Variants in CHD3 observed in about 807,000 individuals in gnomAD.
CHD3 encodes chromodomain helicase DNA binding protein 3, also known as ATP-dependent chromatin remodeler CHD3.
CHD3 carries 52 observed loss-of-function variants against 248.9 expected under a neutral mutation model. The ratio of observed to expected loss-of-function variants is 0.21; its 90% confidence interval spans 0.17 to 0.26. The LOEUF is 0.26. Among genes scored for constraint, CHD3 ranks in the 10% least tolerant of loss-of-function variants. The probability of loss-of-function intolerance (pLI) is 1.00; values close to 1 mark genes in which losing one functional copy is unlikely to be tolerated. For missense variants in CHD3, 1,482 were observed against 2,605.8 expected (o/e 0.57, Z 9.39); for synonymous variants, 985 against 985.2 (o/e 1.00, Z 0.00).
Position 7,907,306 on chromosome 17 carries a change from T to A in CHD3, c.4789-47T>A, listed in dbSNP as rs1157917888. The stretch of plus-strand genomic sequence containing the variant: ...GAGGGGAGGGGGCTTGGAGGCCAGG[T>A]ACCTGGGAGCCCTCTGGCTCATCCT... On this transcript the variant is annotated intron_variant, in intron 31 of 39. Transcript: ENST00000330494. This position sits in a 1 kb window ranked among gnomAD's most constrained non-coding sequence, Gnocchi z 4.3. 6.2e-7 allele frequency: 1 copy of A among 1,612,546 alleles called. No individual in the cohort carries two copies. The highest frequency in any genetic ancestry group is 1.7e-5 in the Admixed American group (1 of 59,944).
Position 7,901,270 on chromosome 17 carries a change from T to A in CHD3, c.3147T>A (p.Ala1049=). 2.5e-6 allele frequency: 4 copies of A among 1,612,394 alleles called. No individual in the cohort carries two copies. The South Asian group carries it at 4.4e-5, about 18-fold the overall frequency. The change falls in exon 20 of 40, where the codon GCT becomes GCA. Residue 1049 remains alanine, a synonymous_variant. Coordinates refer to ENST00000330494, the MANE Select transcript of CHD3 (RefSeq NM_001005273.3). ...AGTCCCCCAAACTCCCCAGTGGGGCTTATGAGGGTGGGGCACTTATTAAGT... is the reference window on the plus strand; with the variant it reads ...AGTCCCCCAAACTCCCCAGTGGGGCATATGAGGGTGGGGCACTTATTAAGT... ...AMESPKLPSG[A]YEGGALIKSS...
chr17:7,884,859 C>T, upstream of CHD3: 5 of 1,155,262 alleles, frequency 4.3e-6, no homozygotes, highest in Non-Finnish European at 4.7e-6. Flanking sequence ...ATGGTGGTGT[C>T]GGAGGAGGAA....
intron 12 of CHD3, 102 bp downstream of exon 12, chr17:7,898,204 G>C: frequency 1.4e-6 from 2 of 1,409,258 alleles, no homozygotes; most frequent in South Asian, 2.7e-5. Flanking sequence ...GATTCAACCT[G>C]GAGTTCAGGG....
rs1410239914 is a variant in CHD3 at position 7,900,982 on chromosome 17, G to T, written c.3109G>T (p.Val1037Leu). 9.9e-6 allele frequency: 16 copies of T among 1,613,724 alleles called. No individual in the cohort carries two copies. Among genetic ancestry groups the T allele is most frequent in the Non-Finnish European group, 1.4e-5 (16 of 1,179,940 alleles). ...CTGCAACCATCCATACCTTTTTCCC[G>T]TGGCTGCTATGGTAGATACACAGAG... is the stretch of plus-strand genomic sequence containing the variant. ...KCCNHPYLFP[V>L]AAMESPKLPS... The change falls in exon 19 of 40, where the codon GTG becomes TTG. Residue 1037 changes from valine (V) to leucine (L), a missense_variant. Around this residue, in one of 20 missense-constraint regions of CHD3, gnomAD observed 31 missense variants for 53.9 expected, o/e 0.58. Transcript: ENST00000330494. This position sits in a 1 kb window ranked among gnomAD's most constrained non-coding sequence, Gnocchi z 6.5.
In CHD3 at chr17:7,910,293, CT is replaced by C; in HGVS notation, c.5591-132del. 9.3e-7 allele frequency: 1 copy of C among 1,073,810 alleles called. No homozygotes were observed. 66.5% of individuals were successfully genotyped at this position (1,073,810 alleles called of 1,614,324 possible). ...TCTTTTACTTTCTTGATCTCTGGTT[CT>C]TTGACATCTGTGTTCTCCTCTCTCG... On this transcript the variant is annotated intron_variant, in intron 37 of 39. Transcript: ENST00000330494. The surrounding 1 kb of genome is among the most constrained non-coding windows in gnomAD (Gnocchi z 4.7).
In CHD3 at chr17:7,890,727, G is replaced by A; in HGVS notation, c.370G>A (p.Asp124Asn). 4.6e-6 allele frequency: 7 copies of A among 1,536,970 alleles called. No individual in the cohort carries two copies. The highest frequency in any genetic ancestry group is 5.3e-6 in the Non-Finnish European group (6 of 1,136,188). The part of the protein sequence containing the change: ...KTKRRKKGEG[D>N]GGQKQVEQKS... The stretch of plus-strand genomic sequence containing the variant: ...AAAGCGGCGGAAAAAGGGGGAGGGA[G>A]ATGGGGGGCAAAAGGTGAGTAGAAT... The change falls in exon 3 of 40, where the codon GAT becomes AAT. Residue 124 changes from aspartate to asparagine, a missense_variant. Asp to Asn is a conservative substitution (Grantham distance 23). Coordinates refer to ENST00000330494, the MANE Select transcript of CHD3 (RefSeq NM_001005273.3).
Position 7,905,535 on chromosome 17 carries a change from T to C in CHD3, c.4139-86T>C. On this transcript the variant is annotated intron_variant, in intron 26 of 39. Transcript: ENST00000330494. This position sits in a 1 kb window ranked among gnomAD's most constrained non-coding sequence, Gnocchi z 5.8. ...ACGTGACAGGAATGTTCCTGTGTTG[T>C]GTATCTTGTGGGAATGGGGTGCTAA... is the stretch of plus-strand genomic sequence containing the variant. The C allele has an allele frequency of 4.0e-6, 4 of 992,884 alleles. No homozygotes were observed. Among genetic ancestry groups the C allele is most frequent in the Non-Finnish European group, 5.9e-6 (4 of 674,992 alleles). The allele number at this position is 992,884 out of a possible 1,614,324, so 61.5% of individuals were successfully genotyped here. A position where few individuals can be genotyped will look rare whatever the true frequency, so the allele number is the denominator to read the frequency against.
At chr17:7,892,162 C>T (rs892393827) in intron 4 of CHD3, among the ~76,000 whole-genome samples, 5 of 152,180 alleles carry the variant, frequency 3.3e-5, no homozygotes, top group Admixed American at 1.3e-4. Context: ...CGTTGTCTCA[C>T]CTACCTTACT....
At position 7,907,974 on chromosome 17, in the gene CHD3, G is replaced by A. The variant is rs756228318; in HGVS notation, c.5107G>A (p.Glu1703Lys). 5 of 1,611,984 alleles carry A rather than the reference G, an allele frequency of 3.1e-6. No individual in the cohort carries two copies. Among genetic ancestry groups the A allele is most frequent in the African/African-American group, 2.7e-5 (2 of 74,844 alleles). Residue 1703 changes from glutamate to lysine, a missense_variant, in exon 34 of 40, where the codon GAG becomes AAG. Glu to Lys is a moderately conservative substitution (Grantham distance 56, BLOSUM62 1). Around this residue, in one of 20 missense-constraint regions of CHD3, gnomAD observed 254 missense variants for 266.7 expected, o/e 0.95. Transcript: ENST00000330494. The surrounding 1 kb of genome is among the most constrained non-coding windows in gnomAD (Gnocchi z 4.3). ...RSNGRREEKT[E>K]KPRFMFNIAD... ...CAATGGGCGACGAGAGGAAAAGACAGAGAAGCCCCGGTTCATGTTCAATAT... is the reference window on the plus strand; with the variant it reads ...CAATGGGCGACGAGAGGAAAAGACAAAGAAGCCCCGGTTCATGTTCAATAT...
upstream of CHD3, chr17:7,885,046 G>GCCA (rs752425204): frequency 0.042 from 44,113 of 1,048,852 alleles, 843 homozygotes; most frequent in Non-Finnish European, 0.047. Context: ...CGCCGCCGCC[G>GCCA]CCACCGCTGC....
Position 7,902,908 on chromosome 17 carries a change from A to G in CHD3, c.3371-29A>G, listed in dbSNP as rs757119137. ...GGTGGACAGAACTACCGGGTACAAGAAAAACCTGATCCAACTCTCACCTCC... is the reference window on the plus strand; with the variant it reads ...GGTGGACAGAACTACCGGGTACAAGGAAAACCTGATCCAACTCTCACCTCC... On this transcript the variant is annotated intron_variant, in intron 21 of 39. Transcript: ENST00000330494. The G allele has an allele frequency of 1.6e-5, 26 of 1,613,000 alleles. No individual in the cohort carries two copies. In the South Asian group the frequency reaches 2.7e-4, roughly 17 times the overall value.
Position 7,905,280 on chromosome 17 carries a change from C to A in CHD3, c.4138+115C>A. 1.1e-6 allele frequency: 1 copy of A among 936,848 alleles called. No individual in the cohort carries two copies. Among genetic ancestry groups the A allele is most frequent in the Non-Finnish European group, 1.7e-6 (1 of 581,488 alleles). 58.0% of individuals were successfully genotyped at this position (936,848 alleles called of 1,614,324 possible). ...GTCTTCGTGTGTGTGTGGAAAAACT[C>A]GATTGCAGATGAGCAGAAAGGAAGA... On this transcript the variant is annotated intron_variant, in intron 26 of 39. Coordinates refer to ENST00000330494, the MANE Select transcript of CHD3 (RefSeq NM_001005273.3). This position sits in a 1 kb window ranked among gnomAD's most constrained non-coding sequence, Gnocchi z 5.8.
At chr17:7,901,612 G>C (rs1458314043) in intron 20 of CHD3, among the ~76,000 whole-genome samples, 1 of 149,274 alleles carries the variant, frequency 6.7e-6, no homozygotes, top group East Asian at 2.0e-4. Context: ...CTGGGTTCAA[G>C]TGATTCTCCT....
chr17:7,903,400 T>G lies in CHD3; in HGVS notation c.3624T>G (p.Val1208=). The change falls in exon 23 of 40, where the codon GTT becomes GTG. Residue 1208 remains valine (V), a synonymous_variant. Transcript: ENST00000330494. This position sits in a 1 kb window ranked among gnomAD's most constrained non-coding sequence, Gnocchi z 6.8. Reference sequence around the variant, plus strand: ...GAAAGATGATGCTGACACACCTGGTTGTGCGGCCTGGGCTGGGCTCCAAGG... The same window carrying G: ...GAAAGATGATGCTGACACACCTGGTGGTGCGGCCTGGGCTGGGCTCCAAGG... ...AKRKMMLTHL[V]VRPGLGSKAG... is the part of the protein sequence containing the mutation. The G allele has an allele frequency of 6.2e-7, 1 of 1,614,178 alleles. No homozygotes were observed. The highest frequency in any genetic ancestry group is 8.5e-7 in the Non-Finnish European group (1 of 1,180,022).
At position 7,906,456 on chromosome 17, in the gene CHD3, G is replaced by A. The variant is rs547199678; in HGVS notation, c.4359-97G>A. ...GAGCCCTGGAGCACCTGGGGATTTGGGGGTTTGGGGGTCCTCAGTCATCCT... is the reference window on the plus strand; with the variant it reads ...GAGCCCTGGAGCACCTGGGGATTTGAGGGTTTGGGGGTCCTCAGTCATCCT... On this transcript the variant is annotated intron_variant, in intron 28 of 39. Transcript: ENST00000330494. The surrounding 1 kb of genome is among the most constrained non-coding windows in gnomAD (Gnocchi z 5.0). 3 of 1,325,614 alleles carry A rather than the reference G, an allele frequency of 2.3e-6. No homozygotes were observed. The South Asian group carries it at 3.8e-5, about 17-fold the overall frequency. 82.1% of individuals were successfully genotyped at this position (1,325,614 alleles called of 1,614,324 possible).
Position 7,905,542 on chromosome 17 carries a change from T to G in CHD3, c.4139-79T>G. Reference sequence around the variant, plus strand: ...AGGAATGTTCCTGTGTTGTGTATCTTGTGGGAATGGGGTGCTAAGGAGGAC... The same window carrying G: ...AGGAATGTTCCTGTGTTGTGTATCTGGTGGGAATGGGGTGCTAAGGAGGAC... On this transcript the variant is annotated intron_variant, in intron 26 of 39. Transcript: ENST00000330494. The surrounding 1 kb of genome is among the most constrained non-coding windows in gnomAD (Gnocchi z 5.8). 9.4e-7 allele frequency: 1 copy of G among 1,063,504 alleles called. No homozygotes were observed. Among genetic ancestry groups the G allele is most frequent in the Non-Finnish European group, 1.4e-6 (1 of 737,650 alleles). The allele number at this position is 1,063,504 out of a possible 1,614,324, so 65.9% of individuals were successfully genotyped here.
Position 7,908,490 on chromosome 17 carries a change from G to A in CHD3, c.5241G>A (p.Trp1747Ter). The change falls in exon 35 of 40, where the codon TGG (tryptophan) becomes TGA (stop). Residue 1747 changes from tryptophan (W) to a stop codon, truncating the protein, a stop_gained. Transcript: ENST00000330494. LOFTEE classifies it high-confidence loss of function. This position sits in a 1 kb window ranked among gnomAD's most constrained non-coding sequence, Gnocchi z 5.8. ...NEIWHRRHDY[W>*]LLAGIVLHGY... is the part of the protein sequence containing the mutation. Reference sequence around the variant, plus strand: ...TCTGGCACAGAAGACATGACTATTGGCTTCTGGCTGGGATTGTCCTGTATC... The same window carrying A: ...TCTGGCACAGAAGACATGACTATTGACTTCTGGCTGGGATTGTCCTGTATC... 6.2e-7 allele frequency: 1 copy of A among 1,613,702 alleles called. No individual in the cohort carries two copies. Among genetic ancestry groups the A allele is most frequent in the Non-Finnish European group, 8.5e-7 (1 of 1,179,706 alleles).
chr17:7,884,827 CGAGGAGGAG>C (rs781353736), upstream of CHD3: 6 of 803,844 alleles, frequency 7.5e-6, no homozygotes, highest in African/African-American at 6.9e-5. Context: ...CTCTGAGGGA[CGAGGAGGAG>C]GAGGAGGAGG....
chr17:7,898,454 C>T lies in CHD3; in HGVS notation c.2052-42C>T, dbSNP rs1969942138. 3 of 1,429,400 alleles carry T rather than the reference C, an allele frequency of 2.1e-6. No homozygotes were observed. In the South Asian group the frequency reaches 3.5e-5, roughly 17 times the overall value. 88.5% of individuals were successfully genotyped at this position (1,429,400 alleles called of 1,614,324 possible). A position where few individuals can be genotyped will look rare whatever the true frequency, so the allele number is the denominator to read the frequency against. On this transcript the variant is annotated intron_variant, in intron 12 of 39. Coordinates refer to ENST00000330494, the MANE Select transcript of CHD3 (RefSeq NM_001005273.3). ...TGGGTTCAGAAAAGAAAGCGTAGGA[C>T]TCCCAAGGATGAGGCCTCATTCAGA...
Sources: gnomAD v4.1 joint callset for allele counts (sites outside exome capture counted in the v4.1 genomes callset) on GRCh38, gnomAD v4.1.1 for gene constraint, gnomAD v4.1.1 regional missense constraint, Gnocchi (gnomAD v3.1) non-coding constraint, MANE v1.5 for transcripts, NCBI Gene and HGNC (gene_info 2026-07-23, HGNC 2026-07-21) for gene names.